The following NPAS3 variants were observed in gnomAD, a reference collection of about 807,000 sequenced individuals.
The protein encoded by NPAS3 is neuronal PAS domain protein 3, also known as neuronal PAS domain-containing protein 3.
A neutral mutation model predicts 73.1 loss-of-function variants in NPAS3; 14 were observed. That is an observed-to-expected ratio of 0.19 (90% confidence interval 0.13 to 0.30). NPAS3 has a LOEUF of 0.30. Among genes scored for constraint, NPAS3 ranks in the 10% least tolerant of loss-of-function variants. The pLI is 1.00. For missense variants in NPAS3, 1,096 were observed against 1,250.0 expected (o/e 0.88, Z 1.86); for synonymous variants, 620 against 541.5 (o/e 1.14, Z -2.01).
chr14:33,645,977 G>C (rs2058817968), intron 5 of NPAS3, among the ~76,000 whole-genome samples: 1 of 152,204 alleles, frequency 6.6e-6, no homozygotes, highest in South Asian at 2.1e-4. Flanking sequence ...CTCTTGAAAT[G>C]TATGTCTTTG....
intron 6 of NPAS3, among the ~76,000 whole-genome samples, chr14:33,682,255 T>C (rs997871031): frequency 5.3e-5 from 8 of 152,192 alleles, no homozygotes; most frequent in Admixed American, 1.3e-4. Context: ...GCTGTAGCAA[T>C]GATCGGGACA....
At chr14:33,119,625 G>A (rs530121779) in intron 2 of NPAS3, among the ~76,000 whole-genome samples, 16 of 152,212 alleles carry the variant, frequency 1.1e-4, no homozygotes, top group East Asian at 5.8e-4. Context: ...TAGATGGAGT[G>A]CATAAAATTA....
At chr14:33,346,224 C>CAAA (rs3058294) in intron 3 of NPAS3, among the ~76,000 whole-genome samples, 260 of 127,416 alleles carry the variant, frequency 2.0e-3, no homozygotes, top group Middle Eastern at 4.6e-3. Flanking sequence ...GACTCCGTCT[C>CAAA]AAAAAAAAAA....
intron 7 of NPAS3, among the ~76,000 whole-genome samples, chr14:33,761,718 T>C (rs2062297162): frequency 6.6e-6 from 1 of 152,142 alleles, no homozygotes; most frequent in South Asian, 2.1e-4. Context: ...GCAAAGAAGA[T>C]GACTTGAGGA....
intron 3 of NPAS3, among the ~76,000 whole-genome samples, chr14:33,320,439 A>T (rs2043391997): frequency 6.6e-6 from 1 of 152,110 alleles, no homozygotes; most frequent in African/African-American, 2.4e-5. Context: ...AAAGTATAAT[A>T]AAAAAAATTT....
intron 2 of NPAS3, among the ~76,000 whole-genome samples, chr14:33,092,099 T>C (rs1223640495): frequency 6.6e-6 from 1 of 152,088 alleles, no homozygotes; most frequent in East Asian, 1.9e-4. Flanking sequence ...CTATTCAACA[T>C]AGTGTTGGAA....
At chr14:33,374,345 C>T (rs1045298105) in intron 4 of NPAS3, among the ~76,000 whole-genome samples, 3 of 152,030 alleles carry the variant, frequency 2.0e-5, no homozygotes, top group Non-Finnish European at 4.4e-5. Context: ...TAAATTTCTA[C>T]GTTTCTTCTG....
intron 5 of NPAS3, among the ~76,000 whole-genome samples, chr14:33,636,240 C>T (rs2058511904): frequency 6.6e-6 from 1 of 152,190 alleles, no homozygotes; most frequent in South Asian, 2.1e-4. Flanking sequence ...TTTTATTCCA[C>T]TACCCTGCAC....
At chr14:33,302,167 G>T (rs1026701885) in intron 3 of NPAS3, among the ~76,000 whole-genome samples, 5 of 152,118 alleles carry the variant, frequency 3.3e-5, no homozygotes, top group Non-Finnish European at 5.9e-5. Flanking sequence ...TTCTTGATTT[G>T]GGAGGGAGGA....
chr14:33,270,992 A>C (rs1757684929), intron 3 of NPAS3, among the ~76,000 whole-genome samples: 1 of 152,236 alleles, frequency 6.6e-6, no homozygotes, highest in South Asian at 2.1e-4. Context: ...TAGGATAAAA[A>C]GCATAGAAAT....
At chr14:33,713,109 A>C (rs2060867739) in intron 6 of NPAS3, among the ~76,000 whole-genome samples, 1 of 152,138 alleles carries the variant, frequency 6.6e-6, no homozygotes, top group South Asian at 2.1e-4. Context: ...CACACACTCA[A>C]AGTCCTGAGT....
chr14:33,022,007 G>A (rs1052782099), intron 1 of NPAS3, among the ~76,000 whole-genome samples: 38 of 152,216 alleles, frequency 2.5e-4, no homozygotes, highest in African/African-American at 8.4e-4. Context: ...GGCTGAAGTC[G>A]CAGGCTGGAC....
At chr14:32,949,360 A>G (rs2036392122) in intron 1 of NPAS3, among the ~76,000 whole-genome samples, 1 of 152,036 alleles carries the variant, frequency 6.6e-6, no homozygotes. Context: ...GGATGATTGC[A>G]TTCAGAATTT....
intron 1 of NPAS3, among the ~76,000 whole-genome samples, chr14:32,962,557 CTTTTTTCTTTTCTTTT>C (rs1294903133): frequency 1.6e-4 from 21 of 132,840 alleles, no homozygotes; most frequent in African/African-American, 5.4e-4. Context: ...TTCTTTCTTT[CTTTTTTCTTTTCTTTT>C]TTTTTTTTTT....
intron 7 of NPAS3, among the ~76,000 whole-genome samples, chr14:33,772,193 T>G (rs1195934332): frequency 2.0e-5 from 3 of 152,224 alleles, no homozygotes; most frequent in East Asian, 3.8e-4. Flanking sequence ...TGTAGAATTC[T>G]TTACAGTTTA....
At chr14:33,317,507 C>T (rs1309107863) in intron 3 of NPAS3, among the ~76,000 whole-genome samples, 1 of 152,024 alleles carries the variant, frequency 6.6e-6, no homozygotes. Context: ...ACTGTACTTC[C>T]CATAATCCTC....
At chr14:33,197,983 G>A (rs2046439212) in intron 2 of NPAS3, among the ~76,000 whole-genome samples, 1 of 151,386 alleles carries the variant, frequency 6.6e-6, no homozygotes, top group South Asian at 2.1e-4. Context: ...TGGGTTCATG[G>A]TCTCACTGGC....
intron 1 of NPAS3, among the ~76,000 whole-genome samples, chr14:33,040,109 C>T (rs950226716): frequency 6.6e-6 from 1 of 151,960 alleles, no homozygotes; most frequent in East Asian, 1.9e-4. Flanking sequence ...CAGGGTTAGG[C>T]TGTTAGGATT....
Position 33,800,384 on chromosome 14 carries a change from TC to T in NPAS3, c.2081del (p.Pro694ArgfsTer116). 6.4e-7 allele frequency: 1 copy of T among 1,574,756 alleles called. No homozygotes were observed. The highest frequency in any genetic ancestry group is 1.4e-5 in the African/African-American group (1 of 73,170). On this transcript the variant is annotated frameshift_variant, in exon 12 of 12. Coordinates refer to ENST00000356141, the Ensembl canonical transcript of NPAS3. LOFTEE classifies it high-confidence loss of function. This position sits in a 1 kb window ranked among gnomAD's most constrained non-coding sequence, Gnocchi z 6.5. Reference sequence around the variant, plus strand: ...GCCCCCCAGCTCTGAGCACTTCCCGTCCCCGCAGGGCGGCGGCGGTGGGGGT... The same window carrying T: ...GCCCCCCAGCTCTGAGCACTTCCCGTCCCGCAGGGCGGCGGCGGTGGGGGT...
Sources: allele counts gnomAD v4.1 joint callset (sites outside exome capture counted in the v4.1 genomes callset), GRCh38; gene constraint gnomAD v4.1.1; non-coding constraint Gnocchi (gnomAD v3.1); transcripts MANE v1.5; gene names NCBI Gene and HGNC (gene_info 2026-07-23, HGNC 2026-07-21).